Variants in YES1 observed in about 807,000 individuals in gnomAD.
YES1 encodes the protein YES proto-oncogene 1, Src family tyrosine kinase.
A neutral mutation model predicts 70.4 loss-of-function variants in YES1; 39 were observed. That is an observed-to-expected ratio of 0.55 (90% CI 0.43 to 0.72). The LOEUF (loss-of-function observed/expected upper bound fraction) is 0.72. Ranked by LOEUF, YES1 falls within the 30% of genes least tolerant of loss-of-function variation. The pLI is 0.00. For missense variants in YES1, 495 were observed against 644.8 expected (o/e 0.77, Z 2.52); for synonymous variants, 198 against 218.6 (o/e 0.91, Z 0.83).
intron 9 of YES1, chr18:737,286 C>T: frequency 5.7e-6 from 1 of 175,024 alleles, no homozygotes; most frequent in Non-Finnish European, 1.2e-5. Flanking sequence ...AACCCTGTCT[C>T]TATTAAAAAT....
intron 11 of YES1, among the ~76,000 whole-genome samples, chr18:728,754 G>A (rs183219723): frequency 7.2e-5 from 11 of 152,248 alleles, no homozygotes; most frequent in Admixed American, 7.2e-4. Flanking sequence ...TCAAACCCCT[G>A]ACCTCGTGAT....
At chr18:794,563 A>C (rs181834401) in intron 1 of YES1, among the ~76,000 whole-genome samples, 1 of 152,144 alleles carries the variant, frequency 6.6e-6, no homozygotes, top group East Asian at 1.9e-4. Flanking sequence ...GCTGCTGTAG[A>C]AAAAAAATGG....
intron 1 of YES1, chr18:798,217 G>A (rs1906640725): frequency 1.3e-5 from 2 of 152,182 alleles, no homozygotes; most frequent in Admixed American, 1.3e-4. Context: ...AGATAAAAAG[G>A]AGATAAACTA....
intron 3 of YES1, among the ~76,000 whole-genome samples, 157 bp from the exon 4 acceptor site, chr18:748,175 T>TA (rs930536796): frequency 2.0e-5 from 3 of 152,308 alleles, no homozygotes; most frequent in Admixed American, 2.0e-4. Context: ...AGAATGATAT[T>TA]AAAAAATAGG....
intron 1 of YES1, among the ~76,000 whole-genome samples, chr18:776,037 A>G (rs1417792860): frequency 6.6e-6 from 1 of 152,164 alleles, no homozygotes; most frequent in Non-Finnish European, 1.5e-5. Flanking sequence ...CTTGGTACGC[A>G]TGTATGCATA....
rs1308998396 is a variant in YES1 at position 722,039 on chromosome 18, T to C, written c.*2385A>G. 1.3e-5 allele frequency: 2 copies of C among 152,648 alleles called. No homozygotes were observed. The highest frequency in any genetic ancestry group is 2.9e-5 in the Non-Finnish European group (2 of 68,048). The allele number at this position is 152,648 out of a possible 1,614,324, so 9.5% of individuals were successfully genotyped here. A position where few individuals can be genotyped will look rare whatever the true frequency, so the allele number is the denominator to read the frequency against. ...TAGTGTTTTATCCCTACTATACAATTGTTATTATATAAGGAACTGCTCCAT... is the reference window on the plus strand; with the variant it reads ...TAGTGTTTTATCCCTACTATACAATCGTTATTATATAAGGAACTGCTCCAT... On this transcript the variant is annotated 3_prime_UTR_variant, in exon 12 of 12. Transcript: ENST00000314574.
chr18:789,155 A>G (rs903239451), intron 1 of YES1, among the ~76,000 whole-genome samples: 4 of 152,222 alleles, frequency 2.6e-5, no homozygotes, highest in Admixed American at 2.6e-4. Context: ...CTGATAACAG[A>G]ACATATGCTA....
intron 1 of YES1, among the ~76,000 whole-genome samples, chr18:778,575 G>C (rs1427283935): frequency 4.6e-5 from 7 of 152,098 alleles, no homozygotes; most frequent in Non-Finnish European, 1.5e-5. Context: ...ATCTAGTTTG[G>C]AAGGAATAGC....
intron 11 of YES1, among the ~76,000 whole-genome samples, chr18:730,885 G>A (rs1342243536): frequency 6.6e-6 from 1 of 152,196 alleles, no homozygotes; most frequent in East Asian, 1.9e-4. Flanking sequence ...TGCAAGTGTG[G>A]TGTAGGCAGA....
chr18:800,417 G>A (rs1408009358), intron 1 of YES1, among the ~76,000 whole-genome samples: 1 of 152,206 alleles, frequency 6.6e-6, no homozygotes, highest in Non-Finnish European at 1.5e-5. Context: ...ACAGCAGTTC[G>A]AAACCTATCT....
chr18:768,692 G>A (rs1281399660), intron 1 of YES1, among the ~76,000 whole-genome samples: 4 of 151,852 alleles, frequency 2.6e-5, no homozygotes, highest in African/African-American at 9.7e-5. Context: ...GTTTAGATAT[G>A]TTATTTATTT....
intron 1 of YES1, chr18:775,265 G>C (rs1414038175): frequency 6.6e-6 from 1 of 152,134 alleles, no homozygotes; most frequent in Non-Finnish European, 1.5e-5. Context: ...CTCTTCCACA[G>C]CATGTAAATG....
intron 1 of YES1, among the ~76,000 whole-genome samples, chr18:787,192 C>T (rs955748190): frequency 5.0e-5 from 7 of 139,646 alleles, no homozygotes; most frequent in African/African-American, 1.3e-4. Flanking sequence ...CTCCACCTCC[C>T]GGGTTCAAGA....
At chr18:739,600 C>T (rs910167864) in intron 9 of YES1, 135 bp downstream of exon 9, 9 of 674,648 alleles carry the variant, frequency 1.3e-5, no homozygotes, top group African/African-American at 3.7e-5. Context: ...CAGAATGAGA[C>T]GCTGTCTCTA....
chr18:763,387 T>A, intron 1 of YES1, among the ~76,000 whole-genome samples: 1 of 152,106 alleles, frequency 6.6e-6, no homozygotes, highest in Non-Finnish European at 1.5e-5. Context: ...CTATTCCAAC[T>A]GACCCATGTG....
chr18:807,655 G>A (rs1463575175), intron 1 of YES1, among the ~76,000 whole-genome samples: 2 of 152,208 alleles, frequency 1.3e-5, no homozygotes, highest in Non-Finnish European at 2.9e-5. Flanking sequence ...ATTTGCAACT[G>A]TTGATGTCCA....
chr18:776,445 G>A (rs1278169659), intron 1 of YES1, among the ~76,000 whole-genome samples: 1 of 152,056 alleles, frequency 6.6e-6, no homozygotes, highest in Non-Finnish European at 1.5e-5. Context: ...CTAATGAAGT[G>A]GCACCTTTAC....
chr18:773,608 A>C (rs965385067), intron 1 of YES1, among the ~76,000 whole-genome samples: 2 of 152,126 alleles, frequency 1.3e-5, no homozygotes, highest in Non-Finnish European at 2.9e-5. Flanking sequence ...ATGGTCAGGC[A>C]TTCTCTTCTC....
chr18:810,168 CATTT>C (rs1316704091), intron 1 of YES1, among the ~76,000 whole-genome samples: 2 of 152,162 alleles, frequency 1.3e-5, no homozygotes, highest in African/African-American at 4.8e-5. Context: ...AGTAGTAAAT[CATTT>C]ACTGTCTAAC....
Sources: gnomAD v4.1 joint callset for allele counts (sites outside exome capture counted in the v4.1 genomes callset) on GRCh38, gnomAD v4.1.1 for gene constraint, MANE v1.5 for transcripts, NCBI Gene and HGNC (gene_info 2026-07-23, HGNC 2026-07-21) for gene names.